PCDH15: variants seen among roughly 807,000 people sequenced by gnomAD.
The protein encoded by PCDH15 is protocadherin related 15.
In PCDH15, 129 loss-of-function variants were observed where a neutral mutation model predicts 178.5. The observed-to-expected ratio is 0.72, with a 90% confidence interval of 0.63 to 0.84. PCDH15 has a LOEUF of 0.84. PCDH15 is among the 40% of genes least tolerant of loss of function. The pLI is 0.00. For missense variants in PCDH15, 2,230 were observed against 2,099.9 expected, an observed-to-expected ratio of 1.06 and a Z score of -1.21; for synonymous variants, 800 against 732.0, an observed-to-expected ratio of 1.09 and a Z score of -1.50.
Position 54,236,898 on chromosome 10 carries a change from T to C in PCDH15, c.910A>G (p.Ile304Val). Residue 304 changes from isoleucine to valine, a missense_variant, in exon 9 of 38, where the codon ATC becomes GTC. By Grantham distance (29) the Ile-to-Val change is conservative. Coordinates refer to ENST00000644397, the MANE Select transcript of PCDH15 (RefSeq NM_001384140.1). Reference protein sequence around the residue: ...ELNPIIVTPPIQAIDQDRNIQ... With the variant: ...ELNPIIVTPPVQAIDQDRNIQ... ...TTCCGGTCCTGATCAATGGCTTGGA[T>C]TGGTGGCGTAACAATAATGGGGTTC... The C allele has an allele frequency of 6.2e-7, 1 of 1,613,630 alleles. No individual in the cohort carries two copies.
At chr10:54,084,135 G>C (rs1452021572) in intron 16 of PCDH15, among the ~76,000 whole-genome samples, 1 of 151,016 alleles carries the variant, frequency 6.6e-6, no homozygotes, top group Admixed American at 6.6e-5. Context: ...GCCCAGGCTA[G>C]AGAGCAATGG....
In PCDH15 at chr10:54,443,810, G is replaced by T. The variant is rs11004311; in HGVS notation, c.158-64868C>A. On this transcript the variant is annotated intron_variant, in intron 3 of 37. Coordinates refer to ENST00000644397, the MANE Select transcript of PCDH15 (RefSeq NM_001384140.1). ...TTGAGAGTCCTAATTAATCAACCTG[G>T]CTGCTCTGACTTCCATCAGCTCACC... Among the ~76,000 whole-genome samples the T allele has an allele frequency of 5.9e-3, 895 of 151,522 alleles. 9 individuals carry two copies. Among genetic ancestry groups the T allele is most frequent in the African/African-American group, 0.016 (675 of 41,382 alleles).
chr10:54,877,322 C>T (rs1591758508), intron 3 of PCDH15, among the ~76,000 whole-genome samples: 2 of 152,116 alleles, frequency 1.3e-5, no homozygotes, highest in East Asian at 3.9e-4. Context: ...AATATCTTCA[C>T]AGTATACTTT....
chr10:55,386,436 A>G (rs1336145553), intron 2 of PCDH15, among the ~76,000 whole-genome samples: 1 of 152,032 alleles, frequency 6.6e-6, no homozygotes, highest in South Asian at 2.1e-4. Flanking sequence ...AAAAAAATGA[A>G]GCTACTTTAA....
At chr10:54,718,571 A>T (rs2095508524) in intron 1 of PCDH15, among the ~76,000 whole-genome samples, 1 of 152,200 alleles carries the variant, frequency 6.6e-6, no homozygotes, top group South Asian at 2.1e-4. Flanking sequence ...CCAAATTAAA[A>T]CAAATTCAAA....
chr10:55,347,676 T>C (rs1192353239), intron 2 of PCDH15, among the ~76,000 whole-genome samples: 2 of 152,132 alleles, frequency 1.3e-5, no homozygotes, highest in Non-Finnish European at 2.9e-5. Context: ...TGAAAACACA[T>C]TTAACCTGAA....
At chr10:55,144,383 T>C (rs973506337) in intron 2 of PCDH15, among the ~76,000 whole-genome samples, 13 of 152,216 alleles carry the variant, frequency 8.5e-5, no homozygotes, top group African/African-American at 3.1e-4. Context: ...CAATTAAGAA[T>C]TGGTGTACAC....
intron 3 of PCDH15, among the ~76,000 whole-genome samples, chr10:54,508,900 T>C (rs2081394516): frequency 1.3e-5 from 2 of 152,184 alleles, no homozygotes; most frequent in South Asian, 4.2e-4. Context: ...TAATGAGATA[T>C]CATGGAAAGG....
intron 1 of PCDH15, among the ~76,000 whole-genome samples, chr10:55,168,292 T>TC (rs1324556966): frequency 6.6e-6 from 1 of 152,114 alleles, no homozygotes; most frequent in Non-Finnish European, 1.5e-5. Flanking sequence ...TTTATACAAC[T>TC]CCAAGTTTCC....
At chr10:54,270,806 A>G (rs2058001347) in intron 8 of PCDH15, among the ~76,000 whole-genome samples, 1 of 152,172 alleles carries the variant, frequency 6.6e-6, no homozygotes, top group Non-Finnish European at 1.5e-5. Flanking sequence ...ACTGTTTTAG[A>G]TACTTGGGCT....
intron 2 of PCDH15, among the ~76,000 whole-genome samples, chr10:55,394,369 A>G (rs1837872815): frequency 1.3e-5 from 2 of 151,954 alleles, no homozygotes; most frequent in South Asian, 4.2e-4. Flanking sequence ...TTTGAAAGCA[A>G]ATCCCAGATG....
chr10:54,366,088 C>T (rs1946752950), intron 5 of PCDH15, among the ~76,000 whole-genome samples: 1 of 152,054 alleles, frequency 6.6e-6, no homozygotes, highest in African/African-American at 2.4e-5. Context: ...GACCTAAGGA[C>T]TTGAGTTTTA....
At chr10:53,935,183 A>G (rs2085459778) in intron 25 of PCDH15, among the ~76,000 whole-genome samples, 1 of 151,998 alleles carries the variant, frequency 6.6e-6, no homozygotes, top group Non-Finnish European at 1.5e-5. Flanking sequence ...ATTTAAAAAA[A>G]GAAAATGAGT....
chr10:55,501,970 T>G (rs540120695), intron 2 of PCDH15, among the ~76,000 whole-genome samples: 16 of 151,538 alleles, frequency 1.1e-4, no homozygotes, highest in Admixed American at 3.3e-4. Context: ...TTTAAAAATG[T>G]TTTTTTTCTT....
intron 8 of PCDH15, among the ~76,000 whole-genome samples, chr10:54,247,919 T>G (rs1356601210): frequency 1.4e-5 from 2 of 144,880 alleles, no homozygotes; most frequent in Non-Finnish European, 3.0e-5. Context: ...ATGATTGATG[T>G]GAGGATGCAT....
At chr10:54,090,722 G>T (rs556978676) in intron 15 of PCDH15, among the ~76,000 whole-genome samples, 5 of 148,710 alleles carry the variant, frequency 3.4e-5, no homozygotes, top group African/African-American at 9.9e-5. Context: ...TTCTTTTTCT[G>T]TTCAGAATAT....
intron 2 of PCDH15, among the ~76,000 whole-genome samples, chr10:54,593,284 T>G (rs2091996006): frequency 6.6e-6 from 1 of 152,194 alleles, no homozygotes; most frequent in African/African-American, 2.4e-5. Context: ...GATGGCTTTT[T>G]GCTATTAGTT....
intron 2 of PCDH15, among the ~76,000 whole-genome samples, chr10:55,419,299 A>T (rs545211162): frequency 6.6e-6 from 1 of 151,756 alleles, no homozygotes; most frequent in South Asian, 2.1e-4. Flanking sequence ...TACCATGCTT[A>T]GTTGTAGATT....
intron 2 of PCDH15, among the ~76,000 whole-genome samples, chr10:54,624,094 C>A (rs1011380990): frequency 5.9e-5 from 9 of 152,066 alleles, no homozygotes; most frequent in African/African-American, 2.2e-4. Flanking sequence ...GGTGATAAGG[C>A]AACTTTTGCT....
Sources: gnomAD v4.1 joint callset for allele counts (sites outside exome capture counted in the v4.1 genomes callset) on GRCh38, gnomAD v4.1.1 for gene constraint, MANE v1.5 for transcripts, NCBI Gene and HGNC (gene_info 2026-07-23, HGNC 2026-07-21) for gene names.